DLGAP2: variants seen among roughly 807,000 people sequenced by gnomAD.
DLGAP2 encodes the protein DLG associated protein 2, also known as disks large-associated protein 2.
DLGAP2 carries 26 observed loss-of-function variants against 100.3 expected under a neutral mutation model. The observed-to-expected ratio is 0.26, with a 90% CI of 0.19 to 0.36. The LOEUF (loss-of-function observed/expected upper bound fraction) is 0.36. Among genes scored for constraint, DLGAP2 ranks in the 10% least tolerant of loss-of-function variants. The pLI, the probability that DLGAP2 is intolerant of heterozygous loss-of-function variation, is 1.00. For synonymous variants in DLGAP2, 886 were observed against 630.1 expected (o/e 1.41, Z -6.08); for missense variants, 1,858 against 1,453.2 (o/e 1.28, Z -4.53).
chr8:782,618 T>C (rs1191847217), intron 1 of DLGAP2, among the ~76,000 whole-genome samples: 1 of 152,208 alleles, frequency 6.6e-6, no homozygotes, highest in Non-Finnish European at 1.5e-5. Context: ...TTCAAATCAA[T>C]GTGAAGAGAC....
At chr8:982,977 T>A (rs1800381718) in intron 2 of DLGAP2, among the ~76,000 whole-genome samples, 1 of 151,742 alleles carries the variant, frequency 6.6e-6, no homozygotes, top group Admixed American at 6.6e-5. Flanking sequence ...TGCGTATATC[T>A]GCTTTAGTTT....
At chr8:1,131,683 G>A (rs550055550) in intron 2 of DLGAP2, among the ~76,000 whole-genome samples, 6 of 151,100 alleles carry the variant, frequency 4.0e-5, no homozygotes, top group Admixed American at 1.3e-4. Context: ...TTTGCCGGAC[G>A]CGGCTGCTGT....
intron 2 of DLGAP2, among the ~76,000 whole-genome samples, chr8:1,094,597 G>A (rs1804303995): frequency 6.6e-6 from 1 of 152,236 alleles, no homozygotes; most frequent in Non-Finnish European, 1.5e-5. Context: ...GCGACGAGCT[G>A]CAGCTTGAAT....
chr8:1,304,107 G>A (rs996826243), intron 3 of DLGAP2, among the ~76,000 whole-genome samples: 1 of 152,246 alleles, frequency 6.6e-6, no homozygotes, highest in East Asian at 1.9e-4. Flanking sequence ...CTTCAGGGCA[G>A]AGGCCATTTT....
chr8:1,565,968 C>G (rs916531660), intron 6 of DLGAP2, 74 bp downstream of exon 6: 3 of 1,320,326 alleles, frequency 2.3e-6, no homozygotes, highest in African/African-American at 2.9e-5. Flanking sequence ...AAAACCACTT[C>G]ACCGTGAGCT....
intron 1 of DLGAP2, among the ~76,000 whole-genome samples, chr8:763,743 G>T (rs1203683084): frequency 6.6e-6 from 1 of 152,116 alleles, no homozygotes; most frequent in Non-Finnish European, 1.5e-5. Flanking sequence ...CTGAGTGCAA[G>T]GCACTGAACA....
At chr8:1,316,694 T>C (rs1464538380) in intron 3 of DLGAP2, among the ~76,000 whole-genome samples, 15 of 129,636 alleles carry the variant, frequency 1.2e-4, no homozygotes, top group Admixed American at 8.2e-4. Flanking sequence ...ACAGCGTGCG[T>C]GAGTGCAGTG....
chr8:1,255,142 G>T (rs866791951), intron 2 of DLGAP2, among the ~76,000 whole-genome samples: 2 of 131,278 alleles, frequency 1.5e-5, no homozygotes, highest in African/African-American at 6.0e-5. Flanking sequence ...GGCGCTGAGT[G>T]TGTGTCCTCT....
intron 2 of DLGAP2, among the ~76,000 whole-genome samples, chr8:1,085,624 G>C (rs2129040425): frequency 6.6e-6 from 1 of 152,266 alleles, no homozygotes; most frequent in African/African-American, 2.4e-5. Flanking sequence ...TCCATTCGTT[G>C]ATGTGCATAT....
At chr8:1,630,205 C>G (rs1797607441) in intron 7 of DLGAP2, among the ~76,000 whole-genome samples, 1 of 152,110 alleles carries the variant, frequency 6.6e-6, no homozygotes, top group Non-Finnish European at 1.5e-5. Flanking sequence ...GTATCACACC[C>G]AGAAACAAAC....
intron 8 of DLGAP2, among the ~76,000 whole-genome samples, chr8:1,646,906 T>C (rs1798052783): frequency 6.6e-6 from 1 of 152,128 alleles, no homozygotes. Flanking sequence ...TCAGCGTCTG[T>C]CACCACAGAG....
intron 2 of DLGAP2, among the ~76,000 whole-genome samples, chr8:1,220,194 G>A (rs1798289855): frequency 6.6e-6 from 1 of 152,002 alleles, no homozygotes; most frequent in Non-Finnish European, 1.5e-5. Flanking sequence ...CTTTAGGTGT[G>A]GTGTTAGCTT....
Position 1,207,578 on chromosome 8 carries a change from TACTC to T in DLGAP2, c.74-51270_74-51267del, listed in dbSNP as rs548133853. Among the ~76,000 whole-genome samples the T allele has an allele frequency of 3.3e-3, 496 of 152,358 alleles. 1 individual carries two copies. The highest frequency in any genetic ancestry group is 5.9e-3 in the Non-Finnish European group (402 of 68,038). ...TAATGAGCCTTTTCTTCTGGGCAGA[TACTC>T]ACGAGTGGGATTGCTGGGTCAAACA... On this transcript the variant is annotated intron_variant, in intron 2 of 14. Transcript: ENST00000637795.
At chr8:1,315,274 G>C (rs113975240) in intron 3 of DLGAP2, among the ~76,000 whole-genome samples, 1 of 144,596 alleles carries the variant, frequency 6.9e-6, no homozygotes, top group Non-Finnish European at 1.5e-5. Flanking sequence ...ACTCGGCAGC[G>C]TTTAAAAATA....
chr8:1,206,362 A>G (rs74582717), intron 2 of DLGAP2, among the ~76,000 whole-genome samples: 1,603 of 37,244 alleles, frequency 0.043, 24 homozygotes, highest in African/African-American at 0.23. Context: ...CCATCCGTGG[A>G]CTGGGGTAGA....
chr8:1,518,928 G>C (rs549523743), intron 4 of DLGAP2, among the ~76,000 whole-genome samples: 1 of 152,132 alleles, frequency 6.6e-6, no homozygotes. Context: ...CTCCCTCTGC[G>C]TGGCTAAGAT....
chr8:1,515,734 T>A (rs1800349233), intron 4 of DLGAP2, among the ~76,000 whole-genome samples: 1 of 143,772 alleles, frequency 7.0e-6, no homozygotes, highest in Non-Finnish European at 1.5e-5. Flanking sequence ...ATAGGCACAC[T>A]CACACACTTG....
intron 2 of DLGAP2, among the ~76,000 whole-genome samples, chr8:1,059,124 C>G (rs1344058206): frequency 6.6e-6 from 1 of 152,096 alleles, no homozygotes; most frequent in African/African-American, 2.4e-5. Flanking sequence ...AGTGGGAGTC[C>G]TAAAGCCAGC....
At position 1,451,290 on chromosome 8, in the gene DLGAP2, C is replaced by T. The variant is rs190890449; in HGVS notation, c.107-50076C>T. Among the ~76,000 whole-genome samples the T allele has an allele frequency of 2.6e-5, 4 of 152,236 alleles. No homozygotes were observed. The East Asian group carries it at 5.8e-4, about 22-fold the overall frequency. On this transcript the variant is annotated intron_variant, in intron 3 of 14. Coordinates refer to ENST00000637795, the MANE Select transcript of DLGAP2 (RefSeq NM_001346810.2). ...CTACACCACTAAAACTCAGCTGACT[C>T]CCCAGACTCAGTCCCTGGGGGAGGA...
Sources: gnomAD v4.1 joint callset for allele counts (sites outside exome capture counted in the v4.1 genomes callset) on GRCh38, gnomAD v4.1.1 for gene constraint, MANE v1.5 for transcripts, NCBI Gene and HGNC (gene_info 2026-07-23, HGNC 2026-07-21) for gene names.